DLG2: variants seen among roughly 807,000 people sequenced by gnomAD.
DLG2 encodes the protein discs large MAGUK scaffold protein 2.
In DLG2, 45 loss-of-function variants were observed where a neutral mutation model predicts 132.5. The observed-to-expected ratio is 0.34, with a 90% confidence interval of 0.27 to 0.44. The LOEUF (loss-of-function observed/expected upper bound fraction) is 0.44. Ranked by LOEUF, DLG2 falls within the 20% of genes least tolerant of loss-of-function variation. DLG2 has a pLI of 1.00. For missense variants in DLG2, 1,045 were observed against 1,196.9 expected, an observed-to-expected ratio of 0.87 and a Z score of 1.87; for synonymous variants, 424 against 419.6, an observed-to-expected ratio of 1.01 and a Z score of -0.13.
intron 15 of DLG2, among the ~76,000 whole-genome samples, chr11:83,875,078 T>C (rs1279533502): frequency 6.6e-6 from 1 of 152,132 alleles, no homozygotes; most frequent in Non-Finnish European, 1.5e-5. Context: ...TATATTTAGT[T>C]AGTATAGATG....
At chr11:83,730,178 G>T (rs2090754463) in intron 18 of DLG2, among the ~76,000 whole-genome samples, 1 of 129,558 alleles carries the variant, frequency 7.7e-6, no homozygotes, top group East Asian at 2.2e-4. Context: ...ACAATGTTAA[G>T]GTCACACTAT....
intron 8 of DLG2, among the ~76,000 whole-genome samples, chr11:84,231,392 G>T (rs946340426): frequency 6.6e-6 from 1 of 152,114 alleles, no homozygotes; most frequent in South Asian, 2.1e-4. Flanking sequence ...TCTTACTTTG[G>T]GAGTTGTATG....
intron 7 of DLG2, among the ~76,000 whole-genome samples, chr11:84,411,840 A>T (rs533909404): frequency 6.6e-6 from 1 of 152,354 alleles, no homozygotes; most frequent in East Asian, 1.9e-4. Flanking sequence ...GAAAATAAAA[A>T]TGAACAAACC....
intron 7 of DLG2, among the ~76,000 whole-genome samples, chr11:84,258,260 G>A (rs1176738166): frequency 6.6e-6 from 1 of 152,144 alleles, no homozygotes; most frequent in Non-Finnish European, 1.5e-5. Flanking sequence ...CGATGGTTGT[G>A]TAAGAGAGGA....
intron 16 of DLG2, among the ~76,000 whole-genome samples, chr11:83,837,471 C>T (rs948117164): frequency 4.6e-5 from 7 of 152,058 alleles, no homozygotes; most frequent in African/African-American, 1.2e-4. Flanking sequence ...TCCTGGCTGC[C>T]GCTGGTAGAG....
At chr11:84,642,117 AGTGTGTGTGT>A (rs139383928) in intron 6 of DLG2, among the ~76,000 whole-genome samples, 5 of 138,734 alleles carry the variant, frequency 3.6e-5, no homozygotes, top group Admixed American at 7.3e-5. Flanking sequence ...GTATATGTAG[AGTGTGTGTGT>A]GTGTGTGTGT....
intron 21 of DLG2, among the ~76,000 whole-genome samples, chr11:83,493,392 C>CTTCCTTCCT: frequency 9.5e-6 from 1 of 105,394 alleles, no homozygotes. Flanking sequence ...TCCTTCCTTC[C>CTTCCTTCCT]TTTCTCTCTC....
chr11:85,409,007 G>C (rs892245861), intron 3 of DLG2, among the ~76,000 whole-genome samples: 1 of 151,808 alleles, frequency 6.6e-6, no homozygotes, highest in Admixed American at 6.6e-5. Context: ...GTGAGGAGAA[G>C]GAATTATTAT....
intron 6 of DLG2, among the ~76,000 whole-genome samples, chr11:84,810,770 A>C (rs2076466356): frequency 6.6e-6 from 1 of 152,182 alleles, no homozygotes; most frequent in South Asian, 2.1e-4. Context: ...AAAAAGTAAC[A>C]GACTACTGAT....
intron 11 of DLG2, among the ~76,000 whole-genome samples, chr11:84,042,444 C>A (rs971886553): frequency 6.6e-6 from 1 of 151,650 alleles, no homozygotes; most frequent in Non-Finnish European, 1.5e-5. Flanking sequence ...GATTTTCTTG[C>A]ATAAAATTTT....
intron 18 of DLG2, among the ~76,000 whole-genome samples, chr11:83,775,395 A>G (rs2094541765): frequency 6.6e-6 from 1 of 152,192 alleles, no homozygotes; most frequent in Admixed American, 6.5e-5. Context: ...GTTTTACTCT[A>G]CTGTATAGTT....
At chr11:83,911,969 C>T (rs2076145053) in intron 15 of DLG2, among the ~76,000 whole-genome samples, 1 of 150,872 alleles carries the variant, frequency 6.6e-6, no homozygotes, top group Non-Finnish European at 1.5e-5. Context: ...ATAATATAAG[C>T]AGTTTAGAGC....
intron 18 of DLG2, chr11:83,646,634 T>A (rs2068274906): frequency 6.6e-6 from 1 of 152,312 alleles, no homozygotes; most frequent in South Asian, 2.1e-4. Flanking sequence ...CCTTCGCTCC[T>A]AGAACTGTGT....
At chr11:85,306,519 C>T (rs1374253629) in intron 3 of DLG2, among the ~76,000 whole-genome samples, 2 of 152,200 alleles carry the variant, frequency 1.3e-5, no homozygotes, top group Non-Finnish European at 2.9e-5. Context: ...GCCGAAGAGC[C>T]CTTCCAACCC....
At chr11:84,100,586 A>T (rs2092435670) in intron 9 of DLG2, among the ~76,000 whole-genome samples, 1 of 151,950 alleles carries the variant, frequency 6.6e-6, no homozygotes, top group Admixed American at 6.6e-5. Flanking sequence ...TCAAGGTCAC[A>T]TATTACTTAT....
intron 11 of DLG2, among the ~76,000 whole-genome samples, chr11:84,044,270 A>C (rs979241645): frequency 6.6e-6 from 1 of 151,818 alleles, no homozygotes; most frequent in Non-Finnish European, 1.5e-5. Flanking sequence ...CAGGTGCTTA[A>C]TAGATTAGAT....
intron 6 of DLG2, among the ~76,000 whole-genome samples, chr11:84,853,400 C>T (rs970136909): frequency 1.3e-5 from 2 of 151,994 alleles, no homozygotes; most frequent in Non-Finnish European, 2.9e-5. Context: ...TTCCTGAGGA[C>T]AGTCAGACTT....
intron 21 of DLG2, among the ~76,000 whole-genome samples, chr11:83,487,608 A>AAAATT (rs898565763): frequency 6.6e-6 from 1 of 152,052 alleles, no homozygotes; most frequent in African/African-American, 2.4e-5. Flanking sequence ...GTTTATATTT[A>AAAATT]AAATTATTAG....
At chr11:84,535,350 A>T (rs2099352819) in intron 6 of DLG2, among the ~76,000 whole-genome samples, 2 of 152,220 alleles carry the variant, frequency 1.3e-5, no homozygotes, top group South Asian at 4.1e-4. Context: ...CACAATTTTT[A>T]GAAGCAGAGC....
Sources: allele counts gnomAD v4.1 joint callset (sites outside exome capture counted in the v4.1 genomes callset), GRCh38; gene constraint gnomAD v4.1.1; transcripts MANE v1.5; gene names NCBI Gene and HGNC (gene_info 2026-07-23, HGNC 2026-07-21).